Variants in IGFL2 observed in about 807,000 individuals in gnomAD.
IGFL2 encodes the protein IGF like family member 2.
IGFL2 carries 7 observed loss-of-function variants against 13.9 expected under a neutral mutation model. That is an observed-to-expected ratio of 0.51 (90% confidence interval 0.29 to 0.95). The LOEUF is 0.95. IGFL2 is among the 40% of genes least tolerant of loss of function. The probability of loss-of-function intolerance (pLI) is 0.08; values close to 1 mark genes in which losing one functional copy is unlikely to be tolerated. For missense variants in IGFL2, 138 were observed against 147.8 expected (o/e 0.93, Z 0.34); for synonymous variants, 55 against 55.8 (o/e 0.99, Z 0.07).
the IGFL2 span, chr19:46,214,484 C>A: frequency 6.6e-6 from 1 of 152,390 alleles, no homozygotes; most frequent in African/African-American, 2.4e-5. Context: ...CTCTGAACAT[C>A]CATGAGGATG....
intron 1 of IGFL2, among the ~76,000 whole-genome samples, chr19:46,155,789 G>T (rs1197183803): frequency 6.6e-6 from 1 of 152,170 alleles, no homozygotes; most frequent in Non-Finnish European, 1.5e-5. Flanking sequence ...ATAAATCACT[G>T]ATTGTCTGTG....
chr19:46,092,250 C>G, the IGFL2 span, among the ~76,000 whole-genome samples: 1 of 152,122 alleles, frequency 6.6e-6, no homozygotes, highest in Admixed American at 6.5e-5. Flanking sequence ...CCCTCAAACT[C>G]CTGGGCTCAA....
At chr19:46,111,241 T>G in the IGFL2 span, 1 of 152,488 alleles carries the variant, frequency 6.6e-6, no homozygotes, top group African/African-American at 2.4e-5. Flanking sequence ...TCCTACAACT[T>G]GCAGTACCAT....
At chr19:46,132,394 G>A in the IGFL2 span, among the ~76,000 whole-genome samples, 1 of 152,176 alleles carries the variant, frequency 6.6e-6, no homozygotes, top group African/African-American at 2.4e-5. Flanking sequence ...TAAATGCACA[G>A]AAAGAAAACA....
Position 46,148,325 on chromosome 19 carries a change from C to T in IGFL2, c.19+28C>T, listed in dbSNP as rs549075336. On this transcript the variant is annotated intron_variant, in intron 1 of 3. Coordinates refer to ENST00000377693, the MANE Select transcript of IGFL2 (RefSeq NM_001135113.2). ...AAGGTAACCCTTGCCCCAGGTTGAG[C>T]TAATGCCTACTGTTATCCCTAATGT... 7.2e-5 allele frequency: 111 copies of T among 1,538,910 alleles called. No individual in the cohort carries two copies. In the African/African-American group the frequency reaches 1.2e-3, roughly 16 times the overall value.
the IGFL2 span, among the ~76,000 whole-genome samples, chr19:46,085,498 C>G: frequency 6.6e-6 from 1 of 152,176 alleles, no homozygotes; most frequent in East Asian, 1.9e-4. Flanking sequence ...AGATCTTTCT[C>G]CATCCCTTTA....
the IGFL2 span, among the ~76,000 whole-genome samples, chr19:46,114,130 C>A: frequency 6.6e-6 from 1 of 152,184 alleles, no homozygotes; most frequent in African/African-American, 2.4e-5. Context: ...CAGTCAGCTC[C>A]AAATGGCCAG....
At chr19:46,078,525 C>G in the IGFL2 span, among the ~76,000 whole-genome samples, 2 of 152,212 alleles carry the variant, frequency 1.3e-5, no homozygotes, top group Non-Finnish European at 2.9e-5. Flanking sequence ...ATGGAGCTGG[C>G]TACTAACCAC....
upstream of IGFL2, among the ~76,000 whole-genome samples, chr19:46,141,646 C>CT (rs1568418286): frequency 6.6e-6 from 1 of 152,104 alleles, no homozygotes; most frequent in African/African-American, 2.4e-5. Context: ...CATGACTCAC[C>CT]TACCAGCACC....
the IGFL2 span, among the ~76,000 whole-genome samples, chr19:46,085,035 G>T: frequency 6.6e-6 from 1 of 152,134 alleles, no homozygotes; most frequent in Admixed American, 6.6e-5. Flanking sequence ...GTTATTTACT[G>T]CCAACATACC....
At chr19:46,181,976 CTAT>C in the IGFL2 span, among the ~76,000 whole-genome samples, 1 of 152,136 alleles carries the variant, frequency 6.6e-6, no homozygotes, top group Non-Finnish European at 1.5e-5. Flanking sequence ...TTAGCATCTC[CTAT>C]AATACATGTT....
chr19:46,156,411 G>A (rs780694457), intron 1 of IGFL2, among the ~76,000 whole-genome samples: 18 of 152,042 alleles, frequency 1.2e-4, no homozygotes, highest in Admixed American at 2.0e-4. Flanking sequence ...ATCTAGAGCC[G>A]TAAAACAAAC....
At chr19:46,100,405 C>T in the IGFL2 span, among the ~76,000 whole-genome samples, 1 of 152,022 alleles carries the variant, frequency 6.6e-6, no homozygotes, top group African/African-American at 2.4e-5. Context: ...TTAAGGGCTC[C>T]AAATTTAAAG....
chr19:46,204,974 A>T, the IGFL2 span: 1 of 149,356 alleles, frequency 6.7e-6, no homozygotes, highest in Non-Finnish European at 1.5e-5. Context: ...TTTAGTATAG[A>T]CGGGATTTTG....
At chr19:46,119,104 C>T in the IGFL2 span, among the ~76,000 whole-genome samples, 2 of 152,204 alleles carry the variant, frequency 1.3e-5, no homozygotes, top group East Asian at 1.9e-4. Context: ...GGCTGTGCCC[C>T]GCCCTCCAGG....
At chr19:46,082,340 C>CA in the IGFL2 span, among the ~76,000 whole-genome samples, 2,051 of 152,314 alleles carry the variant, frequency 0.013, 31 homozygotes, top group Middle Eastern at 0.027. Context: ...AACTGGAAGG[C>CA]AAAAGAGGGT....
the IGFL2 span, among the ~76,000 whole-genome samples, chr19:46,115,455 T>C: frequency 6.6e-6 from 1 of 152,006 alleles, no homozygotes; most frequent in African/African-American, 2.4e-5. Context: ...TCACTGGAAA[T>C]GTTGAGGGAA....
the IGFL2 span, among the ~76,000 whole-genome samples, chr19:46,083,675 AAGAGAC>A: frequency 6.6e-6 from 1 of 152,228 alleles, no homozygotes; most frequent in Non-Finnish European, 1.5e-5. Flanking sequence ...AGGAGACAGA[AAGAGAC>A]AGTGACAGAG....
At chr19:46,199,939 C>T in the IGFL2 span, among the ~76,000 whole-genome samples, 1 of 151,950 alleles carries the variant, frequency 6.6e-6, no homozygotes, top group South Asian at 2.1e-4. Flanking sequence ...TGCAGTGGCA[C>T]GATCTCGGCT....
Sources: allele counts gnomAD v4.1 joint callset (sites outside exome capture counted in the v4.1 genomes callset), GRCh38; gene constraint gnomAD v4.1.1; transcripts MANE v1.5; gene names NCBI Gene and HGNC (gene_info 2026-07-23, HGNC 2026-07-21).